Variants in TANC1 observed in about 807,000 individuals in gnomAD.
TANC1 encodes protein TANC1.
A neutral mutation model predicts 149.7 loss-of-function variants in TANC1; 77 were observed. That is an observed-to-expected ratio of 0.51 (90% CI 0.43 to 0.62). The LOEUF (loss-of-function observed/expected upper bound fraction) is 0.62. Among genes scored for constraint, TANC1 ranks in the 20% least tolerant of loss-of-function variants. The probability of loss-of-function intolerance (pLI) is 0.00; values close to 1 mark genes in which losing one functional copy is unlikely to be tolerated. For missense variants in TANC1, 1,985 were observed against 2,321.8 expected, an observed-to-expected ratio of 0.85 and a Z score of 2.98; for synonymous variants, 854 against 925.0, an observed-to-expected ratio of 0.92 and a Z score of 1.39.
intron 3 of TANC1, among the ~76,000 whole-genome samples, chr2:159,069,793 G>T: frequency 6.8e-6 from 1 of 146,112 alleles, no homozygotes; most frequent in South Asian, 2.2e-4. Flanking sequence ...TTTTGAGACA[G>T]GGTTTTGCTG....
intron 8 of TANC1, among the ~76,000 whole-genome samples, chr2:159,166,697 T>C (rs2054626636): frequency 6.6e-6 from 1 of 152,078 alleles, no homozygotes; most frequent in African/African-American, 2.4e-5. Flanking sequence ...GAGGGCAGAG[T>C]GGCCCAAGTT....
rs755519455 is a variant in TANC1, at chr2:159,150,420, C to T, written c.546C>T (p.Ser182=). The part of the protein sequence containing the change: ...GISPCSTLTS[S]TASPSTDSPC... ...GTCCTTGCTCCACACTAACAAGCAG[C>T]ACCGCATCTCCTAGCACCGATAGCC... Residue 182 remains serine (S), a synonymous_variant, in exon 7 of 27, where the codon AGC becomes AGT. Transcript: ENST00000263635. 1.6e-5 allele frequency: 26 copies of T among 1,614,178 alleles called. No homozygotes were observed. The highest frequency in any genetic ancestry group is 4.5e-5 in the East Asian group (2 of 44,882).
chr2:159,034,020 T>C (rs1001432191), intron 2 of TANC1, among the ~76,000 whole-genome samples: 2 of 152,230 alleles, frequency 1.3e-5, no homozygotes, highest in African/African-American at 4.8e-5. Flanking sequence ...GCAAATACAG[T>C]GGTGCAGTAA....
At chr2:159,191,073 C>T (rs986492413) in intron 16 of TANC1, among the ~76,000 whole-genome samples, 1 of 152,162 alleles carries the variant, frequency 6.6e-6, no homozygotes, top group Non-Finnish European at 1.5e-5. Flanking sequence ...AAGTTGACAG[C>T]GAGACCCTAG....
At chr2:159,112,859 G>A (rs1216122457) in intron 4 of TANC1, among the ~76,000 whole-genome samples, 1 of 152,070 alleles carries the variant, frequency 6.6e-6, no homozygotes. Flanking sequence ...GGGATTACAG[G>A]TGTAAGCCAC....
intron 10 of TANC1, 38 bp downstream of exon 10, chr2:159,170,843 A>G (rs749456107): frequency 6.3e-7 from 1 of 1,594,448 alleles, no homozygotes; most frequent in Admixed American, 1.7e-5. Context: ...GTTTATTAAC[A>G]TAAGATAGAT....
chr2:159,086,561 G>T (rs2044881038), intron 3 of TANC1, among the ~76,000 whole-genome samples: 1 of 152,190 alleles, frequency 6.6e-6, no homozygotes, highest in South Asian at 2.1e-4. Context: ...ATGACAGCAG[G>T]AGCCTCAAGA....
intron 2 of TANC1, among the ~76,000 whole-genome samples, chr2:159,053,063 G>T (rs1266693440): frequency 6.6e-6 from 1 of 152,056 alleles, no homozygotes; most frequent in Non-Finnish European, 1.5e-5. Flanking sequence ...TTCATGCCTT[G>T]GATATGGCAC....
intron 14 of TANC1, among the ~76,000 whole-genome samples, chr2:159,182,503 G>C (rs1031790613): frequency 1.3e-5 from 2 of 151,998 alleles, no homozygotes; most frequent in South Asian, 4.2e-4. Flanking sequence ...AAATGCATTC[G>C]ATTATCTCTC....
intron 4 of TANC1, among the ~76,000 whole-genome samples, chr2:159,113,081 T>C (rs2047917410): frequency 6.6e-6 from 1 of 152,096 alleles, no homozygotes; most frequent in Non-Finnish European, 1.5e-5. Context: ...ACTACAAGCA[T>C]GTGTCACTAC....
At chr2:159,180,401 G>A (rs141862563) in intron 14 of TANC1, among the ~76,000 whole-genome samples, 3 of 152,360 alleles carry the variant, frequency 2.0e-5, no homozygotes, top group Non-Finnish European at 2.9e-5. Context: ...TCCATCAGGA[G>A]TGTAGGTTGT....
intron 20 of TANC1, 65 bp from the exon 21 acceptor site, chr2:159,219,173 C>T (rs13403166): frequency 0.037 from 59,888 of 1,600,066 alleles, 3,800 homozygotes; most frequent in East Asian, 0.24. Context: ...GAGAAACCTG[C>T]CTGGGTATAG....
At chr2:158,993,379 G>T (rs1200735005) in intron 1 of TANC1, among the ~76,000 whole-genome samples, 1 of 152,106 alleles carries the variant, frequency 6.6e-6, no homozygotes, top group Non-Finnish European at 1.5e-5. Flanking sequence ...AGCCTCCTGA[G>T]TTGCTGAGAT....
intron 9 of TANC1, 106 bp downstream of exon 9, chr2:159,169,478 T>A: frequency 1.7e-6 from 2 of 1,194,536 alleles, no homozygotes; most frequent in Non-Finnish European, 2.4e-6. Context: ...TATAACATGA[T>A]GGAAAGTGTG....
At chr2:159,060,470 T>C (rs1239195830) in intron 2 of TANC1, among the ~76,000 whole-genome samples, 1 of 152,246 alleles carries the variant, frequency 6.6e-6, no homozygotes, top group African/African-American at 2.4e-5. Flanking sequence ...AATATCTCAT[T>C]GTCTGATGTC....
intron 20 of TANC1, 125 bp downstream of exon 20, chr2:159,217,755 C>T: frequency 7.7e-7 from 1 of 1,290,454 alleles, no homozygotes; most frequent in Non-Finnish European, 1.1e-6. Context: ...TCGGCTTCTG[C>T]TGTGCCATCA....
chr2:159,045,448 G>C (rs2040965593), intron 2 of TANC1, among the ~76,000 whole-genome samples: 1 of 151,996 alleles, frequency 6.6e-6, no homozygotes. Context: ...ATAAAATTAA[G>C]ATAGCCAGAT....
At chr2:159,174,483 TG>T (rs1235840610) in intron 11 of TANC1, among the ~76,000 whole-genome samples, 1 of 152,120 alleles carries the variant, frequency 6.6e-6, no homozygotes, top group East Asian at 1.9e-4. Context: ...AAGGAGCTGC[TG>T]TGACTCTACA....
chr2:159,178,040 G>T (rs1047291201), intron 13 of TANC1, among the ~76,000 whole-genome samples: 1 of 152,222 alleles, frequency 6.6e-6, no homozygotes, highest in Admixed American at 6.5e-5. Flanking sequence ...GTTAAGATGC[G>T]CTGTCGTTGA....
Sources: gnomAD v4.1 joint callset for allele counts (sites outside exome capture counted in the v4.1 genomes callset) on GRCh38, gnomAD v4.1.1 for gene constraint, MANE v1.5 for transcripts, NCBI Gene and HGNC (gene_info 2026-07-23, HGNC 2026-07-21) for gene names.